The following COG5 variants were observed in gnomAD, a reference collection of about 807,000 sequenced individuals.
COG5 encodes the protein conserved oligomeric Golgi complex subunit 5.
A neutral mutation model predicts 110.4 loss-of-function variants in COG5; 86 were observed. The observed-to-expected ratio is 0.78, with a 90% CI of 0.65 to 0.93. The LOEUF is 0.93. COG5 is among the 40% of genes least tolerant of loss of function. The pLI is 0.00. For missense variants in COG5, 1,077 were observed against 987.0 expected, an observed-to-expected ratio of 1.09 and a Z score of -1.22; for synonymous variants, 360 against 334.6, an observed-to-expected ratio of 1.08 and a Z score of -0.83.
At chr7:107,395,950 C>G (rs575022986) in intron 7 of COG5, among the ~76,000 whole-genome samples, 54 of 152,238 alleles carry the variant, frequency 3.5e-4, no homozygotes, top group African/African-American at 1.1e-3. Flanking sequence ...ATAAAAAGAA[C>G]AGTACCTTAA....
chr7:107,540,375 C>A (rs944258410), intron 5 of COG5, among the ~76,000 whole-genome samples: 1 of 150,768 alleles, frequency 6.6e-6, no homozygotes, highest in Non-Finnish European at 1.5e-5. Flanking sequence ...AGTTTGAAAT[C>A]AGCCTAGGCA....
intron 3 of COG5, among the ~76,000 whole-genome samples, chr7:107,552,947 A>G (rs1167947069): frequency 6.6e-6 from 1 of 152,218 alleles, no homozygotes. Flanking sequence ...GAATGAAACT[A>G]TGTCCTATAT....
chr7:107,299,048 A>C (rs1807016405), intron 11 of COG5, among the ~76,000 whole-genome samples: 1 of 152,176 alleles, frequency 6.6e-6, no homozygotes, highest in Non-Finnish European at 1.5e-5. Context: ...TACTTGGGGG[A>C]AATTTATGCA....
chr7:107,208,072 C>T, intron 21 of COG5: 7 of 985,358 alleles, frequency 7.1e-6, no homozygotes, highest in Non-Finnish European at 8.4e-6. Flanking sequence ...TATGCAAGAA[C>T]AAAATTGTTT....
chr7:107,474,399 C>T lies in COG5; in HGVS notation c.538+52838G>A, dbSNP rs140158871. The T allele has an allele frequency of 1.3e-4, 202 of 1,612,824 alleles. 1 individual carries two copies. The African/African-American group carries it at 2.4e-3, about 19-fold the overall frequency. ...TTTCACTGGAGAGTAACACTGCTCT[C>T]ATTTGCTGTTTCCATGAGGCTTGTG... On this transcript the variant is annotated intron_variant, in intron 6 of 21. Coordinates refer to ENST00000297135, the MANE Select transcript of COG5 (RefSeq NM_006348.5). This position sits in a 1 kb window ranked among gnomAD's most constrained non-coding sequence, Gnocchi z 5.7.
chr7:107,479,707 A>G (rs1432208209), intron 6 of COG5, among the ~76,000 whole-genome samples: 1 of 152,156 alleles, frequency 6.6e-6, no homozygotes, highest in Non-Finnish European at 1.5e-5. Flanking sequence ...AAACAAAAAG[A>G]ATATCTGGCA....
intron 6 of COG5, among the ~76,000 whole-genome samples, chr7:107,462,021 A>AG (rs1796022344): frequency 6.6e-6 from 1 of 152,216 alleles, no homozygotes; most frequent in East Asian, 1.9e-4. Context: ...TGAGATGCAC[A>AG]AAGCTGGACA....
At chr7:107,352,485 G>A (rs1349325954) in intron 10 of COG5, among the ~76,000 whole-genome samples, 2 of 146,430 alleles carry the variant, frequency 1.4e-5, no homozygotes, top group Non-Finnish European at 3.0e-5. Context: ...AAAAAAAATG[G>A]TCCTTTGCAA....
At chr7:107,327,549 T>C (rs1458693140) in intron 10 of COG5, among the ~76,000 whole-genome samples, 2 of 152,034 alleles carry the variant, frequency 1.3e-5, no homozygotes. Flanking sequence ...ATATATCTAA[T>C]AAGGAGTTAA....
chr7:107,459,771 G>T lies in COG5; in HGVS notation c.539-47139C>A, dbSNP rs1795876642. ...TGATAGCACCACTGTACTCCTGCCT[G>T]GGTGATGCAGCAAGATTCTGGCTCA... On this transcript the variant is annotated intron_variant, in intron 6 of 21. Coordinates refer to ENST00000297135, the MANE Select transcript of COG5 (RefSeq NM_006348.5). Among the ~76,000 whole-genome samples, 3 of 150,282 alleles carry T rather than the reference G, an allele frequency of 2.0e-5. No individual in the cohort carries two copies. The Admixed American group carries it at 2.0e-4, about 10-fold the overall frequency.
chr7:107,551,285 A>G (rs1006518215), intron 3 of COG5, among the ~76,000 whole-genome samples: 1 of 152,200 alleles, frequency 6.6e-6, no homozygotes, highest in Non-Finnish European at 1.5e-5. Context: ...TGACAAAAAG[A>G]AGCTTAATAA....
chr7:107,508,660 C>T lies in COG5; in HGVS notation c.538+18577G>A, dbSNP rs571929400. Among the ~76,000 whole-genome samples, 39 of 152,276 alleles carry T rather than the reference C, an allele frequency of 2.6e-4. 1 individual carries two copies. The highest frequency in any genetic ancestry group is 7.5e-4 in the African/African-American group (31 of 41,544). Reference sequence around the variant, plus strand: ...GGGGCACACTGACACCTTACACGGCCGGGTACTCCTCTGAGACAAAACTTC... The same window carrying T: ...GGGGCACACTGACACCTTACACGGCTGGGTACTCCTCTGAGACAAAACTTC... On this transcript the variant is annotated intron_variant, in intron 6 of 21. Transcript: ENST00000297135.
chr7:107,250,363 G>T (rs562066504), intron 16 of COG5, among the ~76,000 whole-genome samples: 4 of 152,080 alleles, frequency 2.6e-5, no homozygotes, highest in African/African-American at 7.2e-5. Flanking sequence ...GTGGCCAACT[G>T]AAGGTATGAC....
At chr7:107,506,377 G>A (rs1313065832) in intron 6 of COG5, among the ~76,000 whole-genome samples, 1 of 152,184 alleles carries the variant, frequency 6.6e-6, no homozygotes, top group Non-Finnish European at 1.5e-5. Context: ...TAAACTACCA[G>A]GGTGGCTGGA....
At chr7:107,365,316 T>C (rs563611596) in intron 8 of COG5, among the ~76,000 whole-genome samples, 1 of 151,648 alleles carries the variant, frequency 6.6e-6, no homozygotes, top group African/African-American at 2.4e-5. Context: ...TGAATGCCAA[T>C]GAAAAGAAAA....
At chr7:107,382,594 C>A (rs1171527884) in intron 7 of COG5, among the ~76,000 whole-genome samples, 1 of 152,096 alleles carries the variant, frequency 6.6e-6, no homozygotes, top group East Asian at 1.9e-4. Flanking sequence ...CCCACCACCA[C>A]GCCCAGCTAA....
chr7:107,323,907 G>A (rs540535772), intron 11 of COG5, among the ~76,000 whole-genome samples: 105 of 152,194 alleles, frequency 6.9e-4, no homozygotes, highest in African/African-American at 2.5e-3. Flanking sequence ...ATATTTCATT[G>A]TATAGATCTA....
At chr7:107,387,859 G>T (rs1790322951) in intron 7 of COG5, among the ~76,000 whole-genome samples, 1 of 152,202 alleles carries the variant, frequency 6.6e-6, no homozygotes, top group East Asian at 1.9e-4. Flanking sequence ...GCAGAACCTT[G>T]AAACAGCCTT....
chr7:107,295,181 CCCT>C (rs1298221612), intron 12 of COG5, among the ~76,000 whole-genome samples: 1 of 142,968 alleles, frequency 7.0e-6, no homozygotes, highest in Non-Finnish European at 1.5e-5. Flanking sequence ...AAGTGATCCA[CCCT>C]CCTCAGCCTC....
Sources: allele counts gnomAD v4.1 joint callset (sites outside exome capture counted in the v4.1 genomes callset), GRCh38; gene constraint gnomAD v4.1.1; non-coding constraint Gnocchi (gnomAD v3.1); transcripts MANE v1.5; gene names NCBI Gene and HGNC (gene_info 2026-07-23, HGNC 2026-07-21).